The following TRIM62 variants were observed in gnomAD, a reference collection of about 807,000 sequenced individuals.
The protein encoded by TRIM62 is E3 ubiquitin-protein ligase TRIM62.
Under a neutral mutation model 44.2 loss-of-function variants are expected in TRIM62, and 39 were observed. The observed-to-expected ratio is 0.88, with a 90% CI of 0.68 to 1.15. TRIM62 has a LOEUF of 1.15. Ranked by LOEUF, TRIM62 falls within the 50% of genes most tolerant of loss-of-function variation. The pLI is 0.00. For synonymous variants in TRIM62, 278 were observed against 292.3 expected, an observed-to-expected ratio of 0.95 and a Z score of 0.50; for missense variants, 544 against 665.5, an observed-to-expected ratio of 0.82 and a Z score of 2.01.
chr1:33,165,358 C>T lies in TRIM62; in HGVS notation c.504+113G>A, dbSNP rs1175967085. Reference sequence around the variant, plus strand: ...TCACTCCAGGTTTGGCTCCTTGAAGCCAGGTTTCCACCGCACACCCGAGGC... The same window carrying T: ...TCACTCCAGGTTTGGCTCCTTGAAGTCAGGTTTCCACCGCACACCCGAGGC... On this transcript the variant is annotated intron_variant, in intron 2 of 4. Transcript: ENST00000291416. This position sits in a 1 kb window ranked among gnomAD's most constrained non-coding sequence, Gnocchi z 4.0. 4 of 1,016,766 alleles carry T rather than the reference C, an allele frequency of 3.9e-6. No individual in the cohort carries two copies. The highest frequency in any genetic ancestry group is 5.6e-6 in the Non-Finnish European group (4 of 710,862). 63.0% of individuals were successfully genotyped at this position (1,016,766 alleles called of 1,614,324 possible).
chr1:33,148,104 AG>A (rs1018012360), intron 4 of TRIM62, among the ~76,000 whole-genome samples: 5 of 152,064 alleles, frequency 3.3e-5, no homozygotes, highest in African/African-American at 9.7e-5. Context: ...ACTGCCCCCT[AG>A]GGGGAATGGG....
chr1:33,154,609 C>A (rs184967069), intron 4 of TRIM62, among the ~76,000 whole-genome samples: 279 of 151,530 alleles, frequency 1.8e-3, no homozygotes, highest in Middle Eastern at 0.01. Context: ...ACCACCCTGG[C>A]CAACATGGTG....
Position 33,181,459 on chromosome 1 carries a change from C to T in TRIM62, c.-27G>A. ...GCGCCAGGGGCAGCAGAGAGGGGGG[C>T]CCGAGGGGCAGGGGGGCGGCTGAGA... On this transcript the variant is annotated 5_prime_UTR_variant, in exon 1 of 5. Transcript: ENST00000291416. The surrounding 1 kb of genome is among the most constrained non-coding windows in gnomAD (Gnocchi z 6.5). 1 of 1,565,618 alleles carries T rather than the reference C, an allele frequency of 6.4e-7. No individual in the cohort carries two copies. The highest frequency in any genetic ancestry group is 8.6e-7 in the Non-Finnish European group (1 of 1,164,394).
At position 33,181,047 on chromosome 1, in the gene TRIM62, T is replaced by C; in HGVS notation, c.386A>G (p.Asp129Gly). The part of the protein sequence containing the change: ...LHEQHQVTGI[D>G]DAFDELQREL... ...CACCTGCAGCTCGTCGAAGGCGTCGTCGATGCCGGTGACCTGATGCTGCTC... is the reference window on the plus strand; with the variant it reads ...CACCTGCAGCTCGTCGAAGGCGTCGCCGATGCCGGTGACCTGATGCTGCTC... The change falls in exon 1 of 5, where the codon GAC becomes GGC. Residue 129 changes from aspartate to glycine, a missense_variant. Transcript: ENST00000291416. The surrounding 1 kb of genome is among the most constrained non-coding windows in gnomAD (Gnocchi z 6.5). The C allele has an allele frequency of 7.2e-7, 1 of 1,384,066 alleles. No individual in the cohort carries two copies. The allele number at this position is 1,384,066 out of a possible 1,614,324, so 85.7% of individuals were successfully genotyped here. A position where few individuals can be genotyped will look rare whatever the true frequency, so the allele number is the denominator to read the frequency against.
At chr1:33,158,882 C>T (rs866792628) in intron 3 of TRIM62, among the ~76,000 whole-genome samples, 7 of 151,768 alleles carry the variant, frequency 4.6e-5, no homozygotes, top group African/African-American at 1.7e-4. Flanking sequence ...CTCTTATTGC[C>T]CAGGCTGAAG....
rs1645018462 is a variant in TRIM62, at chr1:33,146,070, C to A, written c.*1107G>T. 1.1e-5 allele frequency: 4 copies of A among 352,064 alleles called. No individual in the cohort carries two copies. Among genetic ancestry groups the A allele is most frequent in the Non-Finnish European group, 2.3e-5 (4 of 176,354 alleles). The allele number at this position is 352,064 out of a possible 1,614,324, so 21.8% of individuals were successfully genotyped here. On this transcript the variant is annotated 3_prime_UTR_variant, in exon 5 of 5. Coordinates refer to ENST00000291416, the MANE Select transcript of TRIM62 (RefSeq NM_018207.3). ...AGCTTTCTGGCATAGTGGCTTCCTGCAGATGGGGGCAGCTTTCCTGGTCAC... is the reference window on the plus strand; with the variant it reads ...AGCTTTCTGGCATAGTGGCTTCCTGAAGATGGGGGCAGCTTTCCTGGTCAC...
At chr1:33,151,264 TACAGGGCCTGCCACTC>T (rs1202097944) in intron 4 of TRIM62, among the ~76,000 whole-genome samples, 1 of 152,004 alleles carries the variant, frequency 6.6e-6, no homozygotes, top group Non-Finnish European at 1.5e-5. Context: ...ACAGGATGGG[TACAGGGCCTGCCACTC>T]ACTGGGCCGG....
chr1:33,166,839 C>A (rs1645333069), intron 1 of TRIM62, among the ~76,000 whole-genome samples: 1 of 152,216 alleles, frequency 6.6e-6, no homozygotes, highest in South Asian at 2.1e-4. Flanking sequence ...CTCAGCAGAG[C>A]ATTGTTAGTG....
At chr1:33,178,175 C>T (rs1056066868) in intron 1 of TRIM62, among the ~76,000 whole-genome samples, 2 of 152,206 alleles carry the variant, frequency 1.3e-5, no homozygotes, top group African/African-American at 4.8e-5. Flanking sequence ...CCTGTTTCCC[C>T]ATCTGTCAAG....
intron 1 of TRIM62, among the ~76,000 whole-genome samples, chr1:33,175,730 G>A (rs1645414018): frequency 6.6e-6 from 1 of 152,026 alleles, no homozygotes; most frequent in South Asian, 2.1e-4. Flanking sequence ...AGATGGTACT[G>A]ATCTCAGTCC....
intron 1 of TRIM62, among the ~76,000 whole-genome samples, chr1:33,178,961 T>C (rs1410805793): frequency 2.6e-5 from 4 of 152,176 alleles, no homozygotes; most frequent in Non-Finnish European, 5.9e-5. Flanking sequence ...GGCTAGAAGG[T>C]CAGACAAGGA....
intron 4 of TRIM62, among the ~76,000 whole-genome samples, chr1:33,154,495 T>A (rs1285945800): frequency 6.6e-6 from 1 of 151,870 alleles, no homozygotes; most frequent in Non-Finnish European, 1.5e-5. Flanking sequence ...TTTTTTTTTC[T>A]TAATTAAATT....
rs1274766644 is a variant in TRIM62 at position 33,181,577 on chromosome 1, T to C, written c.-145A>G. ...AGGAGCTACCGGAGAAGGGAGGGGG[T>C]GCTGTCCGGAAGGAGGGTAACGCGA... is the stretch of plus-strand genomic sequence containing the variant. On this transcript the variant is annotated 5_prime_UTR_variant, in exon 1 of 5. Transcript: ENST00000291416. The surrounding 1 kb of genome is among the most constrained non-coding windows in gnomAD (Gnocchi z 6.5). The C allele has an allele frequency of 7.3e-7, 1 of 1,368,234 alleles. No homozygotes were observed. Among genetic ancestry groups the C allele is most frequent in the Non-Finnish European group, 9.5e-7 (1 of 1,053,704 alleles). The allele number at this position is 1,368,234 out of a possible 1,614,324, so 84.8% of individuals were successfully genotyped here.
At chr1:33,158,513 T>G (rs920980359) in intron 3 of TRIM62, 145 bp from the exon 4 acceptor site, 106 of 642,272 alleles carry the variant, frequency 1.7e-4, no homozygotes, top group Non-Finnish European at 2.6e-5. Flanking sequence ...AGTGCCTGCT[T>G]GTGCTGCTTC....
chr1:33,156,443 C>T (rs531333169), intron 4 of TRIM62, among the ~76,000 whole-genome samples: 3 of 152,310 alleles, frequency 2.0e-5, no homozygotes, highest in South Asian at 4.1e-4. Flanking sequence ...GGCTCAGCAG[C>T]CTTTGTCACT....
At chr1:33,172,727 G>A (rs867297697) in intron 1 of TRIM62, among the ~76,000 whole-genome samples, 2 of 152,170 alleles carry the variant, frequency 1.3e-5, no homozygotes, top group African/African-American at 4.8e-5. Context: ...GGGGCACAGA[G>A]AGGCAGGGCT....
chr1:33,145,761 C>T lies in TRIM62; in HGVS notation c.*1416G>A. On this transcript the variant is annotated 3_prime_UTR_variant, in exon 5 of 5. Coordinates refer to ENST00000291416, the MANE Select transcript of TRIM62 (RefSeq NM_018207.3). ...GGGATAGAGCCAAGGGGCAGGACAA[C>T]CCTAGATGTGGACTCCACCCTCTCC... is the stretch of plus-strand genomic sequence containing the variant. 2.3e-6 allele frequency: 1 copy of T among 436,074 alleles called. No homozygotes were observed. Among genetic ancestry groups the T allele is most frequent in the African/African-American group, 2.0e-5 (1 of 49,436 alleles). 27.0% of individuals were successfully genotyped at this position (436,074 alleles called of 1,614,324 possible). A position where few individuals can be genotyped will look rare whatever the true frequency, so the allele number is the denominator to read the frequency against.
Position 33,165,585 on chromosome 1 carries a change from C to T in TRIM62, c.409-19G>A, listed in dbSNP as rs779698798. 17 of 1,592,660 alleles carry T rather than the reference C, an allele frequency of 1.1e-5. No homozygotes were observed. The East Asian group carries it at 2.5e-4, about 23-fold the overall frequency. On this transcript the variant is annotated intron_variant, in intron 1 of 4. Coordinates refer to ENST00000291416, the MANE Select transcript of TRIM62 (RefSeq NM_018207.3). This position sits in a 1 kb window ranked among gnomAD's most constrained non-coding sequence, Gnocchi z 4.0. ...GCTCCCTCTGAAACACACACAGGGC[C>T]GGGATGGGGGCAGGGGCCATGCCTG...
chr1:33,147,602 C>T lies in TRIM62; in HGVS notation c.1003G>A (p.Asp335Asn), dbSNP rs767695467. 7.6e-5 allele frequency: 122 copies of T among 1,614,130 alleles called. No individual in the cohort carries two copies. The highest frequency in any genetic ancestry group is 9.2e-5 in the Non-Finnish European group (108 of 1,180,042). The change falls in exon 5 of 5, where the codon GAT becomes AAT. Residue 335 changes from aspartate (D) to asparagine (N), a missense_variant. Asp to Asn is a conservative substitution (Grantham distance 23, BLOSUM62 1). Coordinates refer to ENST00000291416, the MANE Select transcript of TRIM62 (RefSeq NM_018207.3). This position sits in a 1 kb window ranked among gnomAD's most constrained non-coding sequence, Gnocchi z 8.1. ...QPLQDSPKRF[D>N]VEVSVLGSEA... is the part of the protein sequence containing the mutation. ...GAACCCAGCACCGACACCTCCACATCGAAGCGCTTTGGCGAGTCCTGCAGT... is the reference window on the plus strand; with the variant it reads ...GAACCCAGCACCGACACCTCCACATTGAAGCGCTTTGGCGAGTCCTGCAGT...
Sources: gnomAD v4.1 joint callset for allele counts (sites outside exome capture counted in the v4.1 genomes callset) on GRCh38, gnomAD v4.1.1 for gene constraint, Gnocchi (gnomAD v3.1) non-coding constraint, MANE v1.5 for transcripts, NCBI Gene and HGNC (gene_info 2026-07-23, HGNC 2026-07-21) for gene names.